Variants in SGMS1 observed in about 807,000 individuals in gnomAD.
The protein encoded by SGMS1 is phosphatidylcholine:ceramide cholinephosphotransferase 1.
SGMS1 carries 13 observed loss-of-function variants against 46.2 expected under a neutral mutation model. That is an observed-to-expected ratio of 0.28 (90% CI 0.18 to 0.45). The LOEUF is 0.45. Among genes scored for constraint, SGMS1 ranks in the 20% least tolerant of loss-of-function variants. SGMS1 has a pLI of 1.00. For missense variants in SGMS1, 324 were observed against 519.9 expected (o/e 0.62, Z 3.66); for synonymous variants, 203 against 187.8 (o/e 1.08, Z -0.66).
chr10:50,444,829 A>G (rs1489230823), intron 5 of SGMS1, among the ~76,000 whole-genome samples: 1 of 152,182 alleles, frequency 6.6e-6, no homozygotes, highest in Non-Finnish European at 1.5e-5. Context: ...ATGATGAGGT[A>G]GACAAAATAC....
In SGMS1 at chr10:50,568,705, AG is replaced by A. The variant is rs371470575; in HGVS notation, c.-589+21447del. Among the ~76,000 whole-genome samples the A allele has an allele frequency of 2.6e-5, 4 of 152,342 alleles. No individual in the cohort carries two copies. The East Asian group carries it at 7.7e-4, about 29-fold the overall frequency. On this transcript the variant is annotated intron_variant, in intron 2 of 10. Coordinates refer to ENST00000361781, the MANE Select transcript of SGMS1 (RefSeq NM_147156.4). ...AGTAAAGTTTGTTTTGTTAAAAGAT[AG>A]TACACACAAATTATTTTTACAACAC...
intron 2 of SGMS1, among the ~76,000 whole-genome samples, chr10:50,552,382 A>G (rs7100732): frequency 0.016 from 2,410 of 152,304 alleles, 61 homozygotes; most frequent in African/African-American, 0.055. Flanking sequence ...AAGTAGACAT[A>G]CCCTTTAAAA....
chr10:50,549,620 A>C (rs2860472), intron 2 of SGMS1, among the ~76,000 whole-genome samples: 82,651 of 151,954 alleles, frequency 0.54, 22,810 homozygotes, highest in East Asian at 0.74. Flanking sequence ...TTGGGATGAT[A>C]CATGCAGCAA....
In SGMS1 at chr10:50,619,141, G is replaced by GA. The variant is rs201380719; in HGVS notation, c.-684+4565dup. Among the ~76,000 whole-genome samples, 689 of 151,632 alleles carry GA rather than the reference G, an allele frequency of 4.5e-3. 6 individuals carry two copies. The highest frequency in any genetic ancestry group is 0.016 in the African/African-American group (655 of 41,318). Reference sequence around the variant, plus strand: ...GACCGAGACTCTGTCTCAAAAAAAAGAAAAAAAAGAAAGAAAATGCATACA... The same window carrying GA: ...GACCGAGACTCTGTCTCAAAAAAAAGAAAAAAAAAGAAAGAAAATGCATACA... On this transcript the variant is annotated intron_variant, in intron 1 of 10. Transcript: ENST00000361781.
intron 2 of SGMS1, among the ~76,000 whole-genome samples, chr10:50,562,790 C>T (rs1176198889): frequency 6.6e-6 from 1 of 152,132 alleles, no homozygotes; most frequent in Admixed American, 6.5e-5. Flanking sequence ...GTGATCCGCC[C>T]GCCTTGGCCT....
chr10:50,525,053 G>A (rs1472227027), intron 2 of SGMS1, among the ~76,000 whole-genome samples: 1 of 151,984 alleles, frequency 6.6e-6, no homozygotes, highest in African/African-American at 2.4e-5. Flanking sequence ...AAGAAGCGGT[G>A]GAAATAGGAA....
intron 2 of SGMS1, among the ~76,000 whole-genome samples, chr10:50,578,888 T>C (rs1838408466): frequency 2.6e-5 from 4 of 152,200 alleles, no homozygotes; most frequent in African/African-American, 9.6e-5. Flanking sequence ...ATCTGATAGA[T>C]GACAGCAACT....
At chr10:50,413,609 G>A (rs1446979991) in intron 6 of SGMS1, among the ~76,000 whole-genome samples, 1 of 152,174 alleles carries the variant, frequency 6.6e-6, no homozygotes, top group Non-Finnish European at 1.5e-5. Context: ...AGTATCCATG[G>A]CAGTATCCAC....
chr10:50,548,277 G>C (rs1207660652), intron 2 of SGMS1, among the ~76,000 whole-genome samples: 1 of 152,090 alleles, frequency 6.6e-6, no homozygotes, highest in Non-Finnish European at 1.5e-5. Context: ...GAAAGAACAA[G>C]GCTGGAGGCA....
chr10:50,589,878 A>G (rs1374407943), intron 2 of SGMS1, among the ~76,000 whole-genome samples: 1 of 152,220 alleles, frequency 6.6e-6, no homozygotes, highest in Non-Finnish European at 1.5e-5. Context: ...GTTCTGTGCC[A>G]CGTAGTTCTA....
intron 6 of SGMS1, among the ~76,000 whole-genome samples, chr10:50,345,483 C>A (rs746437747): frequency 6.6e-6 from 1 of 151,998 alleles, no homozygotes; most frequent in Non-Finnish European, 1.5e-5. Flanking sequence ...TGAAAATAAC[C>A]AAATGCACAT....
chr10:50,432,139 C>T (rs575283507), intron 6 of SGMS1, among the ~76,000 whole-genome samples: 6 of 152,122 alleles, frequency 3.9e-5, no homozygotes, highest in Non-Finnish European at 8.8e-5. Context: ...CAACAGGAAA[C>T]CTACAATTAG....
chr10:50,341,667 C>T (rs1204904360), intron 7 of SGMS1, among the ~76,000 whole-genome samples: 2 of 106,660 alleles, frequency 1.9e-5, no homozygotes, highest in Non-Finnish European at 3.8e-5. Context: ...AACCACTCAG[C>T]AAGTTGGACA....
chr10:50,586,125 T>G (rs1314357355), intron 2 of SGMS1, among the ~76,000 whole-genome samples: 1 of 152,224 alleles, frequency 6.6e-6, no homozygotes, highest in African/African-American at 2.4e-5. Context: ...AAACTTTATG[T>G]ATAAAAACAG....
intron 6 of SGMS1, among the ~76,000 whole-genome samples, chr10:50,419,168 A>T (rs1849222432): frequency 6.6e-6 from 1 of 152,176 alleles, no homozygotes; most frequent in Non-Finnish European, 1.5e-5. Flanking sequence ...CATACATACC[A>T]TCTGAAGATA....
chr10:50,456,736 G>A (rs1837195661), intron 5 of SGMS1, among the ~76,000 whole-genome samples: 1 of 152,198 alleles, frequency 6.6e-6, no homozygotes, highest in Non-Finnish European at 1.5e-5. Flanking sequence ...GTTTAGTTAA[G>A]TAGTAAAGCC....
chr10:50,447,418 G>A (rs946521946), intron 5 of SGMS1, among the ~76,000 whole-genome samples: 13 of 151,918 alleles, frequency 8.6e-5, no homozygotes, highest in African/African-American at 3.1e-4. Context: ...AACCTTACTT[G>A]GGGAAAATGT....
chr10:50,493,086 C>T (rs1837580611), intron 3 of SGMS1, among the ~76,000 whole-genome samples: 1 of 152,090 alleles, frequency 6.6e-6, no homozygotes, highest in African/African-American at 2.4e-5. Flanking sequence ...GCTACAGTAA[C>T]CAAAACATCA....
At chr10:50,330,863 T>C (rs1371707042) in intron 7 of SGMS1, among the ~76,000 whole-genome samples, 1 of 152,190 alleles carries the variant, frequency 6.6e-6, no homozygotes, top group African/African-American at 2.4e-5. Context: ...GGACAGACAA[T>C]ACATCACTGA....
Sources: gnomAD v4.1 joint callset for allele counts (sites outside exome capture counted in the v4.1 genomes callset) on GRCh38, gnomAD v4.1.1 for gene constraint, MANE v1.5 for transcripts, NCBI Gene and HGNC (gene_info 2026-07-23, HGNC 2026-07-21) for gene names.